The following LRRC4B variants were observed in gnomAD, a reference collection of about 807,000 sequenced individuals.
The protein encoded by LRRC4B is leucine-rich repeat-containing protein 4B.
LRRC4B carries 1 observed loss-of-function variant against 7.3 expected under a neutral mutation model. The ratio of observed to expected loss-of-function variants is 0.14; its 90% CI spans 0.05 to 0.65. The LOEUF is 0.65. Among genes scored for constraint, LRRC4B ranks in the 30% least tolerant of loss-of-function variants. LRRC4B has a pLI of 0.84. For missense variants in LRRC4B, 730 were observed against 1,041.6 expected (o/e 0.70, Z 4.12); for synonymous variants, 500 against 499.2 (o/e 1.00, Z -0.02).
chr19:50,558,653 C>T (rs373375084), intron 1 of LRRC4B, among the ~76,000 whole-genome samples: 18 of 152,366 alleles, frequency 1.2e-4, no homozygotes, highest in Middle Eastern at 3.4e-3. Context: ...TGACGTATGT[C>T]GAGAAGGAGC....
At chr19:50,528,349 T>C (rs1980908200) in intron 2 of LRRC4B, among the ~76,000 whole-genome samples, 1 of 152,014 alleles carries the variant, frequency 6.6e-6, no homozygotes. Context: ...GCTTGATTTC[T>C]TCTTTCTTTT....
chr19:50,532,259 A>G (rs1162822044), intron 2 of LRRC4B, among the ~76,000 whole-genome samples: 1 of 152,010 alleles, frequency 6.6e-6, no homozygotes, highest in Non-Finnish European at 1.5e-5. Context: ...AAAAACAAAA[A>G]CAAAAAAACA....
intron 1 of LRRC4B, among the ~76,000 whole-genome samples, chr19:50,561,961 A>ATAAG (rs910394220): frequency 6.6e-6 from 1 of 151,632 alleles, no homozygotes; most frequent in Admixed American, 6.6e-5. Context: ...AAATAAATAA[A>ATAAG]TAAATAAGCC....
intron 2 of LRRC4B, among the ~76,000 whole-genome samples, chr19:50,526,167 A>G (rs1421801899): frequency 6.6e-6 from 1 of 152,074 alleles, no homozygotes; most frequent in African/African-American, 2.4e-5. Flanking sequence ...CGACAATGAC[A>G]GTGAGAGCCC....
intron 2 of LRRC4B, among the ~76,000 whole-genome samples, chr19:50,534,199 C>T (rs1032972590): frequency 3.9e-5 from 6 of 152,156 alleles, no homozygotes; most frequent in African/African-American, 1.4e-4. Flanking sequence ...ACAATTATGC[C>T]AACAATCATT....
chr19:50,522,195 T>C (rs566178272), intron 2 of LRRC4B, among the ~76,000 whole-genome samples: 11 of 152,042 alleles, frequency 7.2e-5, no homozygotes, highest in South Asian at 2.1e-4. Flanking sequence ...AATAAATAAA[T>C]ATACAAAATG....
Position 50,519,054 on chromosome 19 carries a change from T to C in LRRC4B, c.659A>G (p.Lys220Arg), listed in dbSNP as rs1980436274. 6.2e-7 allele frequency: 1 copy of C among 1,609,884 alleles called. No homozygotes were observed. Among genetic ancestry groups the C allele is most frequent in the Non-Finnish European group, 8.5e-7 (1 of 1,179,912 alleles). The change falls in exon 3 of 3, where the codon AAG becomes AGG. Residue 220 changes from lysine to arginine, a missense_variant. Lys to Arg is a conservative substitution (Grantham distance 26, BLOSUM62 2). This residue lies in a region of LRRC4B where 226 missense variants were observed against 448.0 expected (regional missense o/e 0.50). Transcript: ENST00000652263. This position sits in a 1 kb window ranked among gnomAD's most constrained non-coding sequence, Gnocchi z 8.1. Reference sequence around the variant, plus strand: ...CAGGGCCGTCAGGTTGGGGATGTCCTTGAGGTTGCACATGCCCAGGTTGAG... The same window carrying C: ...CAGGGCCGTCAGGTTGGGGATGTCCCTGAGGTTGCACATGCCCAGGTTGAG... ...RYLNLGMCNL[K>R]DIPNLTALVR... is the part of the protein sequence containing the mutation.
chr19:50,542,469 A>ATTTT (rs58092334), intron 2 of LRRC4B, among the ~76,000 whole-genome samples: 25 of 107,230 alleles, frequency 2.3e-4, no homozygotes, highest in South Asian at 3.0e-4. Flanking sequence ...AGAATTGCTG[A>ATTTT]TTTTTTTTTT....
intron 2 of LRRC4B, among the ~76,000 whole-genome samples, chr19:50,536,807 G>A (rs955568683): frequency 2.6e-5 from 4 of 152,230 alleles, no homozygotes; most frequent in African/African-American, 9.6e-5. Context: ...GTTTCTGGAA[G>A]GGTGGGAAGG....
rs1980475269 is a variant in LRRC4B, at chr19:50,519,818, A to C, written c.298-403T>G. Among the ~76,000 whole-genome samples, 1 of 152,030 alleles carries C rather than the reference A, an allele frequency of 6.6e-6. No homozygotes were observed. Among genetic ancestry groups the C allele is most frequent in the East Asian group, 1.9e-4 (1 of 5,184 alleles). On this transcript the variant is annotated intron_variant, in intron 2 of 2. Transcript: ENST00000652263. This position sits in a 1 kb window ranked among gnomAD's most constrained non-coding sequence, Gnocchi z 8.1. ...AACCCAGGAGGCGGAGTCTGCAGTGAGTCGAGATAGTGCCACTGCACTCCT... is the reference window on the plus strand; with the variant it reads ...AACCCAGGAGGCGGAGTCTGCAGTGCGTCGAGATAGTGCCACTGCACTCCT...
At chr19:50,529,378 C>T (rs1980954151) in intron 2 of LRRC4B, among the ~76,000 whole-genome samples, 1 of 152,112 alleles carries the variant, frequency 6.6e-6, no homozygotes, top group African/African-American at 2.4e-5. Context: ...CTGGGAAATG[C>T]TGGTGATTGA....
At chr19:50,543,290 C>T (rs895246223) in intron 2 of LRRC4B, among the ~76,000 whole-genome samples, 7 of 151,660 alleles carry the variant, frequency 4.6e-5, no homozygotes, top group African/African-American at 1.7e-4. Flanking sequence ...CTCTGGAATC[C>T]CCAGAATTCA....
Position 50,519,024 on chromosome 19 carries a change from C to T in LRRC4B, c.689G>A (p.Arg230His), listed in dbSNP as rs1980434276. The T allele has an allele frequency of 2.5e-6, 4 of 1,611,490 alleles. No homozygotes were observed. The highest frequency in any genetic ancestry group is 3.4e-6 in the Non-Finnish European group (4 of 1,179,772). Reference protein sequence around the residue: ...KDIPNLTALVRLEELELSGNR... With the variant: ...KDIPNLTALVHLEELELSGNR... ...GCCCGACAGCTCCAGCTCCTCCAGGCGCACCAGGGCCGTCAGGTTGGGGAT... is the reference window on the plus strand; with the variant it reads ...GCCCGACAGCTCCAGCTCCTCCAGGTGCACCAGGGCCGTCAGGTTGGGGAT... Residue 230 changes from arginine to histidine, a missense_variant, in exon 3 of 3, where the codon CGC (arginine) becomes CAC (histidine). By Grantham distance (29) the Arg-to-His change is conservative (BLOSUM62 0). Around this residue, in one of 6 missense-constraint regions of LRRC4B, gnomAD observed 226 missense variants for 448.0 expected, o/e 0.50. Transcript: ENST00000652263. The surrounding 1 kb of genome is among the most constrained non-coding windows in gnomAD (Gnocchi z 8.1).
chr19:50,522,542 T>C (rs1191812572), intron 2 of LRRC4B, among the ~76,000 whole-genome samples: 2 of 152,156 alleles, frequency 1.3e-5, no homozygotes, highest in African/African-American at 4.8e-5. Context: ...AGAGGCGTGA[T>C]CTCGGCTCAC....
intron 2 of LRRC4B, among the ~76,000 whole-genome samples, chr19:50,520,203 C>CAAAAAAAAAA (rs1173919963): frequency 1.1e-4 from 1 of 9,376 alleles, no homozygotes; most frequent in African/African-American, 4.6e-4. Context: ...AATACCCTGT[C>CAAAAAAAAAA]AAAAAAAAAA....
At position 50,548,671 on chromosome 19, in the gene LRRC4B, G is replaced by C; in HGVS notation, c.168C>G (p.Ser56=). ...AAGGGSPPAT[S]CPVACSCSNQ... ...TGCTGCAGGAGCAGGCCACGGGGCA[G>C]GAGGTGGCCGGCGGGGAGCCCCCTC... The change falls in exon 2 of 3, where the codon TCC becomes TCG. Residue 56 remains serine, a synonymous_variant. Transcript: ENST00000652263. The surrounding 1 kb of genome is among the most constrained non-coding windows in gnomAD (Gnocchi z 6.8). The C allele has an allele frequency of 6.4e-7, 1 of 1,558,800 alleles. No homozygotes were observed. The highest frequency in any genetic ancestry group is 8.7e-7 in the Non-Finnish European group (1 of 1,155,004).
intron 2 of LRRC4B, among the ~76,000 whole-genome samples, chr19:50,525,762 G>A (rs949999917): frequency 6.6e-6 from 1 of 151,664 alleles, no homozygotes; most frequent in Non-Finnish European, 1.5e-5. Flanking sequence ...AATCAGGGCC[G>A]CCCCCATCCT....
rs1347073355 is a variant in LRRC4B at position 50,566,804 on chromosome 19, C to T, written c.-36+1140G>A. 1.1e-4 allele frequency among the ~76,000 whole-genome samples: 16 copies of T among 146,478 alleles called. No individual in the cohort carries two copies. In the Admixed American group the frequency reaches 1.1e-3, roughly 10 times the overall value. On this transcript the variant is annotated intron_variant, in intron 1 of 2. Transcript: ENST00000652263. The stretch of plus-strand genomic sequence containing the variant: ...GGAGTACTATGGGGTGAGGAGACAA[C>T]GATGGAGGGGGTCTCTGGGTGATGA...
intron 2 of LRRC4B, among the ~76,000 whole-genome samples, chr19:50,546,321 C>T (rs960203155): frequency 3.3e-5 from 5 of 151,714 alleles, no homozygotes; most frequent in Admixed American, 6.6e-5. Context: ...GGAGACAGAG[C>T]GAGACTCTGT....
Sources: allele counts gnomAD v4.1 joint callset (sites outside exome capture counted in the v4.1 genomes callset), GRCh38; gene constraint gnomAD v4.1.1; regional missense constraint gnomAD v4.1.1; non-coding constraint Gnocchi (gnomAD v3.1); transcripts MANE v1.5; gene names NCBI Gene and HGNC (gene_info 2026-07-23, HGNC 2026-07-21).